The following PDE4D variants were observed in gnomAD, a reference collection of about 807,000 sequenced individuals.
PDE4D encodes phosphodiesterase 4D.
In PDE4D, 24 loss-of-function variants were observed where a neutral mutation model predicts 87.4. The ratio of observed to expected loss-of-function variants is 0.27; its 90% CI spans 0.20 to 0.39. PDE4D has a LOEUF of 0.39. Ranked by LOEUF, PDE4D falls within the 10% of genes least tolerant of loss-of-function variation. The probability of loss-of-function intolerance (pLI) is 1.00; values close to 1 mark genes in which losing one functional copy is unlikely to be tolerated. For missense variants in PDE4D, 714 were observed against 1,041.0 expected, an observed-to-expected ratio of 0.69 and a Z score of 4.32; for synonymous variants, 384 against 383.2, an observed-to-expected ratio of 1.00 and a Z score of -0.02.
At chr5:59,586,724 A>AT in intron 1 of PDE4D, 1 of 985,444 alleles carries the variant, frequency 1.0e-6, no homozygotes, top group South Asian at 4.7e-5. Context: ...TTGAGTGTAA[A>AT]TTAATGCATC....
chr5:60,086,956 G>C (rs2152907628), intron 2 of PDE4D, among the ~76,000 whole-genome samples: 1 of 152,320 alleles, frequency 6.6e-6, no homozygotes, highest in East Asian at 1.9e-4. Flanking sequence ...CCAAATCTGT[G>C]GCTGAATTTT....
At chr5:60,142,021 C>T (rs1361073011) in intron 2 of PDE4D, among the ~76,000 whole-genome samples, 1 of 152,116 alleles carries the variant, frequency 6.6e-6, no homozygotes, top group Non-Finnish European at 1.5e-5. Flanking sequence ...ATCATTTGTA[C>T]AGCAAGTCAT....
intron 2 of PDE4D, among the ~76,000 whole-genome samples, chr5:60,023,481 T>G (rs1766293895): frequency 6.6e-6 from 1 of 152,154 alleles, no homozygotes; most frequent in African/African-American, 2.4e-5. Flanking sequence ...CTGTTTCTTT[T>G]CTTATCTGTC....
intron 1 of PDE4D, among the ~76,000 whole-genome samples, chr5:60,309,553 A>G (rs1044970059): frequency 4.6e-5 from 7 of 152,194 alleles, no homozygotes; most frequent in African/African-American, 1.7e-4. Context: ...CAGAAACTAA[A>G]TCATTTTCAA....
intron 5 of PDE4D, among the ~76,000 whole-genome samples, chr5:59,056,562 T>C (rs1391222471): frequency 1.3e-5 from 2 of 152,298 alleles, no homozygotes; most frequent in East Asian, 3.9e-4. Context: ...AAGACCCGCA[T>C]GCATTCGGTA....
intron 1 of PDE4D, among the ~76,000 whole-genome samples, chr5:59,566,534 ATGTGTGTG>A (rs34584672): frequency 0.078 from 10,919 of 140,494 alleles, 455 homozygotes; most frequent in Middle Eastern, 0.11. Flanking sequence ...TCACAGTTTC[ATGTGTGTG>A]TGTGTGTGTG....
intron 1 of PDE4D, among the ~76,000 whole-genome samples, chr5:59,567,147 T>C (rs762215704): frequency 6.6e-6 from 1 of 152,234 alleles, no homozygotes; most frequent in African/African-American, 2.4e-5. Flanking sequence ...GGCTCATTAC[T>C]GAAAATCTAT....
chr5:60,109,496 C>G (rs1777440494), intron 2 of PDE4D, among the ~76,000 whole-genome samples: 2 of 150,878 alleles, frequency 1.3e-5, no homozygotes, highest in South Asian at 4.2e-4. Context: ...TTTGACCCAG[C>G]CATCCCATTA....
At chr5:59,683,740 T>C (rs138206442) in intron 1 of PDE4D, among the ~76,000 whole-genome samples, 56 of 152,350 alleles carry the variant, frequency 3.7e-4, no homozygotes, top group South Asian at 2.7e-3. Context: ...GATTTCTTCA[T>C]TGTAATTTAT....
intron 5 of PDE4D, among the ~76,000 whole-genome samples, chr5:59,134,108 T>C (rs1776685670): frequency 1.3e-5 from 2 of 150,300 alleles, no homozygotes; most frequent in South Asian, 2.1e-4. Context: ...CCACTTTTGC[T>C]TTCTTGGGAT....
In PDE4D at chr5:59,251,645, C is replaced by T. The variant is rs1039627421; in HGVS notation, c.456-35677G>A. Among the ~76,000 whole-genome samples, 5 of 152,110 alleles carry T rather than the reference C, an allele frequency of 3.3e-5. No individual in the cohort carries two copies. In the East Asian group the frequency reaches 9.7e-4, roughly 29 times the overall value. On this transcript the variant is annotated intron_variant, in intron 1 of 14. Transcript: ENST00000340635. Reference sequence around the variant, plus strand: ...ATTCCTCAAAGAGCTAAGAGCAGAACTACCGTTTGACCATGCAATCCTATT... The same window carrying T: ...ATTCCTCAAAGAGCTAAGAGCAGAATTACCGTTTGACCATGCAATCCTATT...
intron 1 of PDE4D, among the ~76,000 whole-genome samples, chr5:60,422,661 A>C (rs1397878051): frequency 6.6e-6 from 1 of 152,214 alleles, no homozygotes; most frequent in East Asian, 1.9e-4. Context: ...ACCAGCTAAC[A>C]TCATAATGAC....
At chr5:59,275,654 T>G (rs1317045785) in intron 1 of PDE4D, 4 of 1,198,060 alleles carry the variant, frequency 3.3e-6, no homozygotes, top group East Asian at 7.6e-5. Context: ...CAGTTTCTTC[T>G]GTGTCTTGCA....
At chr5:59,932,165 A>G (rs543524985) in intron 3 of PDE4D, among the ~76,000 whole-genome samples, 2 of 152,332 alleles carry the variant, frequency 1.3e-5, no homozygotes, top group Admixed American at 1.3e-4. Flanking sequence ...CATAGCCATC[A>G]CGACTTTTAT....
At chr5:59,071,081 G>C (rs1197600098) in intron 5 of PDE4D, among the ~76,000 whole-genome samples, 2 of 152,150 alleles carry the variant, frequency 1.3e-5, no homozygotes, top group African/African-American at 4.8e-5. Context: ...TCAATAGTTT[G>C]GTTGAGTATA....
At chr5:59,912,812 T>C (rs1232504940) in intron 3 of PDE4D, among the ~76,000 whole-genome samples, 2 of 152,208 alleles carry the variant, frequency 1.3e-5, no homozygotes, top group South Asian at 2.1e-4. Context: ...TAATGTACCA[T>C]GATGAACAAT....
intron 1 of PDE4D, among the ~76,000 whole-genome samples, chr5:59,633,058 G>C (rs914089210): frequency 7.2e-5 from 11 of 152,064 alleles, no homozygotes; most frequent in Non-Finnish European, 1.5e-4. Flanking sequence ...TGATGGAGTT[G>C]AAAAAACACA....
At chr5:59,856,059 G>A (rs1745385276) in intron 1 of PDE4D, among the ~76,000 whole-genome samples, 1 of 152,118 alleles carries the variant, frequency 6.6e-6, no homozygotes, top group Non-Finnish European at 1.5e-5. Context: ...TAGACTGAAT[G>A]TAGAGCTCAT....
intron 1 of PDE4D, among the ~76,000 whole-genome samples, chr5:59,324,844 T>C (rs1236314039): frequency 6.6e-6 from 1 of 152,122 alleles, no homozygotes; most frequent in Non-Finnish European, 1.5e-5. Context: ...TCTATCTTCC[T>C]CACTGTACTG....
Sources: allele counts gnomAD v4.1 joint callset (sites outside exome capture counted in the v4.1 genomes callset), GRCh38; gene constraint gnomAD v4.1.1; transcripts MANE v1.5; gene names NCBI Gene and HGNC (gene_info 2026-07-23, HGNC 2026-07-21).